LAMA2: variants seen among roughly 807,000 people sequenced by gnomAD.
The protein encoded by LAMA2 is laminin subunit alpha 2, also known as laminin subunit alpha-2.
A neutral mutation model predicts 364.8 loss-of-function variants in LAMA2; 269 were observed. The observed-to-expected ratio is 0.74, with a 90% CI of 0.67 to 0.82. The LOEUF (loss-of-function observed/expected upper bound fraction) is 0.82, where lower values mean the gene tolerates loss of function less well. Ranked by LOEUF, LAMA2 falls within the 40% of genes least tolerant of loss-of-function variation. The probability of loss-of-function intolerance (pLI) is 0.00; values close to 1 mark genes in which losing one functional copy is unlikely to be tolerated. For missense variants in LAMA2, 3,807 were observed against 3,873.2 expected (o/e 0.98, Z 0.45); for synonymous variants, 1,379 against 1,370.6 (o/e 1.01, Z -0.14).
chr6:129,326,778 T>C (rs1324756946), intron 28 of LAMA2, among the ~76,000 whole-genome samples: 2 of 145,134 alleles, frequency 1.4e-5, no homozygotes, highest in Non-Finnish European at 3.0e-5. Context: ...ATATAATTTA[T>C]ATATTATATA....
intron 1 of LAMA2, among the ~76,000 whole-genome samples, chr6:129,049,515 G>A (rs1472844054): frequency 6.6e-6 from 1 of 151,924 alleles, no homozygotes; most frequent in Admixed American, 6.6e-5. Flanking sequence ...TTGCATAGTT[G>A]TGCAGAAACA....
At chr6:129,334,449 C>A (rs779925266) in intron 29 of LAMA2, among the ~76,000 whole-genome samples, 6 of 152,066 alleles carry the variant, frequency 3.9e-5, no homozygotes, top group African/African-American at 1.4e-4. Flanking sequence ...GTGCATGGTA[C>A]GCTTCATAAA....
At chr6:129,332,489 A>G (rs1775713644) in intron 29 of LAMA2, among the ~76,000 whole-genome samples, 1 of 152,112 alleles carries the variant, frequency 6.6e-6, no homozygotes, top group South Asian at 2.1e-4. Flanking sequence ...TGACACTTTT[A>G]TGCACTATTT....
At chr6:129,199,187 G>A (rs1355235434) in intron 12 of LAMA2, among the ~76,000 whole-genome samples, 1 of 152,016 alleles carries the variant, frequency 6.6e-6, no homozygotes, top group Non-Finnish European at 1.5e-5. Flanking sequence ...CCGTGTTTGA[G>A]GTTACTTTAA....
chr6:129,224,184 T>C (rs200185784), intron 12 of LAMA2, among the ~76,000 whole-genome samples: 1 of 152,190 alleles, frequency 6.6e-6, no homozygotes, highest in South Asian at 2.1e-4. Flanking sequence ...GTGATTTTTC[T>C]ACATTGATTT....
chr6:128,907,865 C>T (rs145023738), intron 1 of LAMA2, among the ~76,000 whole-genome samples: 1,677 of 152,194 alleles, frequency 0.011, 35 homozygotes, highest in African/African-American at 0.039. Context: ...ATTTTGTCAA[C>T]GGCCTTTTCT....
intron 1 of LAMA2, among the ~76,000 whole-genome samples, chr6:128,961,326 T>G (rs1166408307): frequency 3.5e-5 from 1 of 28,982 alleles, no homozygotes; most frequent in Non-Finnish European, 5.8e-5. Context: ...ATGATATATA[T>G]ATATATATAT....
intron 42 of LAMA2, among the ~76,000 whole-genome samples, chr6:129,439,686 T>C (rs2326821): frequency 0.49 from 73,557 of 151,422 alleles, 18,254 homozygotes; most frequent in African/African-American, 0.58. Context: ...TTTACTATTT[T>C]TATATTGTTA....
At chr6:128,912,106 C>A (rs1778006650) in intron 1 of LAMA2, among the ~76,000 whole-genome samples, 2 of 152,124 alleles carry the variant, frequency 1.3e-5, no homozygotes, top group Non-Finnish European at 2.9e-5. Flanking sequence ...ATATACAAGT[C>A]ATGTACAAGC....
chr6:129,252,238 A>G lies in LAMA2; in HGVS notation c.2039A>G (p.Asn680Ser), dbSNP rs774139365. Residue 680 changes from asparagine to serine, a missense_variant, in exon 14 of 65, where the codon AAT (asparagine) becomes AGT (serine). Asn to Ser is a conservative substitution (Grantham distance 46, BLOSUM62 1). Transcript: ENST00000421865. Reference sequence around the variant, plus strand: ...AAGGAATTTATGACAGTGCTTGCGAATTTGAAGAGAGTCCTCCTACAAATC... The same window carrying G: ...AAGGAATTTATGACAGTGCTTGCGAGTTTGAAGAGAGTCCTCCTACAAATC... ...RRKEFMTVLANLKRVLLQITY... is the reference protein window; with the variant it reads ...RRKEFMTVLASLKRVLLQITY... 4.0e-5 allele frequency: 65 copies of G among 1,614,016 alleles called. No individual in the cohort carries two copies. Among genetic ancestry groups the G allele is most frequent in the Non-Finnish European group, 3.4e-6 (4 of 1,180,008 alleles).
chr6:129,195,679 C>T (rs1400775735), intron 12 of LAMA2, among the ~76,000 whole-genome samples: 4 of 152,166 alleles, frequency 2.6e-5, no homozygotes, highest in Admixed American at 1.3e-4. Flanking sequence ...ACCCACAGGG[C>T]TATCCTAGGT....
chr6:129,507,231 A>G (rs953386824), intron 61 of LAMA2, among the ~76,000 whole-genome samples: 4 of 152,084 alleles, frequency 2.6e-5, no homozygotes, highest in African/African-American at 9.7e-5. Context: ...ATGGAGACAT[A>G]GTGTGCAGTA....
intron 8 of LAMA2, among the ~76,000 whole-genome samples, chr6:129,162,448 T>C (rs1235850559): frequency 6.6e-6 from 1 of 151,962 alleles, no homozygotes; most frequent in Non-Finnish European, 1.5e-5. Flanking sequence ...GCTTGAAAAA[T>C]TTCCTTTAAC....
intron 29 of LAMA2, among the ~76,000 whole-genome samples, chr6:129,330,992 C>G (rs965414153): frequency 6.6e-6 from 1 of 152,126 alleles, no homozygotes; most frequent in African/African-American, 2.4e-5. Flanking sequence ...CCTCAGCCTC[C>G]TGAGTAGCTG....
Position 129,250,228 on chromosome 6 carries a change from G to A in LAMA2, c.1884+15G>A. On this transcript the variant is annotated intron_variant, in intron 13 of 64. Transcript: ENST00000421865. ...TTATCTTAGAGGTAGAGTACTGAGA[G>A]CATGTTCACCCGTGTTACTTCCTGA... 7.0e-7 allele frequency: 1 copy of A among 1,431,702 alleles called. No individual in the cohort carries two copies. Among genetic ancestry groups the A allele is most frequent in the Non-Finnish European group, 9.8e-7 (1 of 1,015,744 alleles). The allele number at this position is 1,431,702 out of a possible 1,614,324, so 88.7% of individuals were successfully genotyped here. A position where few individuals can be genotyped will look rare whatever the true frequency, so the allele number is the denominator to read the frequency against.
chr6:129,158,749 A>G (rs1380376850), intron 8 of LAMA2: 4 of 1,614,090 alleles, frequency 2.5e-6, no homozygotes, highest in Non-Finnish European at 3.4e-6. Context: ...TGGTCCGACA[A>G]CATTCTATTG....
intron 8 of LAMA2, among the ~76,000 whole-genome samples, chr6:129,162,403 A>C (rs1264520091): frequency 6.6e-6 from 1 of 151,906 alleles, no homozygotes; most frequent in East Asian, 1.9e-4. Context: ...CATTTTCCAT[A>C]CTCTGTGGTT....
At chr6:129,290,363 C>T (rs1408173731) in intron 19 of LAMA2, among the ~76,000 whole-genome samples, 4 of 152,066 alleles carry the variant, frequency 2.6e-5, no homozygotes, top group South Asian at 2.1e-4. Context: ...ATAGACTATC[C>T]GTAGGCTCTT....
chr6:129,362,988 T>C (rs1449133063), intron 32 of LAMA2, among the ~76,000 whole-genome samples: 1 of 152,194 alleles, frequency 6.6e-6, no homozygotes, highest in African/African-American at 2.4e-5. Context: ...CCAGTGGTTT[T>C]ATCCTTTGGC....
Sources: gnomAD v4.1 joint callset for allele counts (sites outside exome capture counted in the v4.1 genomes callset) on GRCh38, gnomAD v4.1.1 for gene constraint, MANE v1.5 for transcripts, NCBI Gene and HGNC (gene_info 2026-07-23, HGNC 2026-07-21) for gene names.